Variants in PLCB1 observed in about 807,000 individuals in gnomAD.
PLCB1 encodes phospholipase C beta 1, also known as 1-phosphatidylinositol 4,5-bisphosphate phosphodiesterase beta-1.
Under a neutral mutation model 161.8 loss-of-function variants are expected in PLCB1, and 46 were observed. That is an observed-to-expected ratio of 0.28 (90% CI 0.22 to 0.36). The LOEUF (loss-of-function observed/expected upper bound fraction) is 0.36, where lower values mean the gene tolerates loss of function less well. Ranked by LOEUF, PLCB1 falls within the 10% of genes least tolerant of loss-of-function variation. The probability of loss-of-function intolerance (pLI) is 1.00; values close to 1 mark genes in which losing one functional copy is unlikely to be tolerated. For synonymous variants in PLCB1, 517 were observed against 503.7 expected (o/e 1.03, Z -0.35); for missense variants, 1,016 against 1,472.5 (o/e 0.69, Z 5.07).
rs553099885 is a variant in PLCB1, at chr20:8,407,746, C to T, written c.246+36296C>T. Reference sequence around the variant, plus strand: ...CTCCCTCAGCCGGTGATCAGGTCAACATTTTCAGTATTAAGTCATGTTGCT... The same window carrying T: ...CTCCCTCAGCCGGTGATCAGGTCAATATTTTCAGTATTAAGTCATGTTGCT... On this transcript the variant is annotated intron_variant, in intron 3 of 31. Coordinates refer to ENST00000338037, the MANE Select transcript of PLCB1 (RefSeq NM_015192.4). Among the ~76,000 whole-genome samples the T allele has an allele frequency of 3.2e-4, 48 of 152,128 alleles. No homozygotes were observed. The East Asian group carries it at 8.3e-3, about 26-fold the overall frequency.
chr20:8,208,853 G>A (rs1043460096), intron 2 of PLCB1, among the ~76,000 whole-genome samples: 2 of 152,106 alleles, frequency 1.3e-5, no homozygotes, highest in African/African-American at 4.8e-5. Context: ...ATTTATGAAT[G>A]TAAATTTTTC....
intron 2 of PLCB1, among the ~76,000 whole-genome samples, chr20:8,222,844 C>G (rs543802202): frequency 5.3e-5 from 8 of 152,248 alleles, no homozygotes; most frequent in African/African-American, 1.9e-4. Context: ...GAAATAAATT[C>G]AATCCTTTAT....
At chr20:8,693,372 T>C (rs1990521738) in intron 10 of PLCB1, among the ~76,000 whole-genome samples, 1 of 152,206 alleles carries the variant, frequency 6.6e-6, no homozygotes, top group African/African-American at 2.4e-5. Flanking sequence ...CACCATGGTT[T>C]CACTGGGGCA....
chr20:8,531,125 C>A (rs567977569), intron 3 of PLCB1, among the ~76,000 whole-genome samples: 42 of 152,056 alleles, frequency 2.8e-4, no homozygotes, highest in African/African-American at 1.0e-3. Flanking sequence ...GGGTCATGGT[C>A]TTTTTTGTCT....
chr20:8,788,499 A>G lies in PLCB1; in HGVS notation c.3162A>G (p.Leu1054=). Residue 1054 remains leucine, a synonymous_variant, in exon 28 of 32, where the codon TTA becomes TTG. Coordinates refer to ENST00000338037, the MANE Select transcript of PLCB1 (RefSeq NM_015192.4). The part of the protein sequence containing the change: ...DVAEECQNNQ[L]KKLKEICEKE... ...CAGAAGAGTGTCAGAACAATCAGTT[A>G]AAGAAGCTCAAAGAAATCTGTGAGA... is the stretch of plus-strand genomic sequence containing the variant. 1 of 1,613,614 alleles carries G rather than the reference A, an allele frequency of 6.2e-7. No individual in the cohort carries two copies. The highest frequency in any genetic ancestry group is 8.5e-7 in the Non-Finnish European group (1 of 1,179,792).
chr20:8,209,741 A>G (rs1978724419), intron 2 of PLCB1, among the ~76,000 whole-genome samples: 1 of 152,094 alleles, frequency 6.6e-6, no homozygotes, highest in Non-Finnish European at 1.5e-5. Context: ...ACTATATAGA[A>G]CATTTTATTC....
At chr20:8,751,950 C>T (rs539751695) in intron 23 of PLCB1, 2 of 152,216 alleles carry the variant, frequency 1.3e-5, no homozygotes, top group East Asian at 3.9e-4. Context: ...TTGGTTTTTG[C>T]ACTTTGGCTT....
At chr20:8,644,360 T>G (rs1245358668) in intron 4 of PLCB1, among the ~76,000 whole-genome samples, 9 of 132,720 alleles carry the variant, frequency 6.8e-5, no homozygotes, top group South Asian at 2.5e-4. Flanking sequence ...GAGCGCCTCT[T>G]CCCGGCCGCC....
At chr20:8,795,890 A>AAAAAGAAAAG (rs3033849) in intron 31 of PLCB1, among the ~76,000 whole-genome samples, 2 of 139,780 alleles carry the variant, frequency 1.4e-5, no homozygotes, top group South Asian at 2.2e-4. Flanking sequence ...AAAAAAAAAA[A>AAAAAGAAAAG]AAAAGAAAAG....
chr20:8,318,031 T>G (rs1246939592), intron 2 of PLCB1, among the ~76,000 whole-genome samples: 1 of 151,856 alleles, frequency 6.6e-6, no homozygotes, highest in African/African-American at 2.4e-5. Flanking sequence ...CATCTCAACT[T>G]CTTTATTGGA....
chr20:8,814,505 TATCCATCCATCCATTTATCC>T (rs1438868962), intron 31 of PLCB1, among the ~76,000 whole-genome samples: 15 of 151,312 alleles, frequency 9.9e-5, no homozygotes, highest in African/African-American at 2.7e-4. Flanking sequence ...GTGTTCCATC[TATCCATCCATCCATTTATCC>T]ATCCATCCAT....
intron 3 of PLCB1, among the ~76,000 whole-genome samples, chr20:8,523,496 C>CTCTCTCTCTCTCTA: frequency 7.7e-5 from 4 of 51,658 alleles, no homozygotes; most frequent in South Asian, 6.6e-4. Flanking sequence ...CTCTCTCTCT[C>CTCTCTCTCTCTCTA]TATATATATA....
rs113586586 is a variant in PLCB1 at position 8,594,410 on chromosome 20, C to G, written c.247-33884C>G. On this transcript the variant is annotated intron_variant, in intron 3 of 31. Transcript: ENST00000338037. ...TACATTGCCTTCAATCAGGGCTTCT[C>G]AAACACTCATGTGCTTGCAAGTCAT... Among the ~76,000 whole-genome samples, 266 of 151,642 alleles carry G rather than the reference C, an allele frequency of 1.8e-3. 3 individuals are homozygous for G. The highest frequency in any genetic ancestry group is 6.0e-3 in the African/African-American group (249 of 41,514).
At chr20:8,564,258 G>T (rs1986248409) in intron 3 of PLCB1, among the ~76,000 whole-genome samples, 1 of 152,124 alleles carries the variant, frequency 6.6e-6, no homozygotes, top group East Asian at 1.9e-4. Flanking sequence ...GTTAATAAAT[G>T]GTGTTGGGAA....
rs1314449098 is a variant in PLCB1 at position 8,240,308 on chromosome 20, A to ACG, written c.177+89938_177+89939insGC. Among the ~76,000 whole-genome samples the ACG allele has an allele frequency of 1.2e-3, 174 of 140,508 alleles. 1 individual carries two copies. The highest frequency in any genetic ancestry group is 4.6e-3 in the African/African-American group (159 of 34,332). 92.2% of individuals were successfully genotyped at this position (140,508 alleles called of 152,430 possible). On this transcript the variant is annotated intron_variant, in intron 2 of 31. Transcript: ENST00000338037. ...CACACACACACACACACACACACGCACACACACACACATTTGCTTAATATG... is the reference window on the plus strand; with the variant it reads ...CACACACACACACACACACACACGCACGCACACACACACATTTGCTTAATATG...
chr20:8,823,751 C>T (rs1461183138), intron 31 of PLCB1, among the ~76,000 whole-genome samples: 4 of 152,118 alleles, frequency 2.6e-5, no homozygotes, highest in African/African-American at 9.7e-5. Context: ...ATCCTGTTTC[C>T]ATCAGGGAAC....
intron 20 of PLCB1, 143 bp downstream of exon 20, chr20:8,737,335 G>A: frequency 1.5e-6 from 1 of 679,694 alleles, no homozygotes; most frequent in Non-Finnish European, 2.4e-6. Flanking sequence ...AAGCCATTCT[G>A]AAAACCCTTC....
intron 31 of PLCB1, among the ~76,000 whole-genome samples, chr20:8,841,714 C>G (rs1986511104): frequency 6.6e-6 from 1 of 152,206 alleles, no homozygotes; most frequent in South Asian, 2.1e-4. Flanking sequence ...AGGAAATAAG[C>G]TCTGAACCAC....
At chr20:8,295,033 A>G (rs1600293548) in intron 2 of PLCB1, among the ~76,000 whole-genome samples, 2 of 152,328 alleles carry the variant, frequency 1.3e-5, no homozygotes, top group Non-Finnish European at 2.9e-5. Context: ...TACGTGCAGT[A>G]TGATACATTA....
Sources: allele counts gnomAD v4.1 joint callset (sites outside exome capture counted in the v4.1 genomes callset), GRCh38; gene constraint gnomAD v4.1.1; transcripts MANE v1.5; gene names NCBI Gene and HGNC (gene_info 2026-07-23, HGNC 2026-07-21).